The following FTO variants were observed in gnomAD, a reference collection of about 807,000 sequenced individuals.
FTO encodes the protein FTO alpha-ketoglutarate dependent dioxygenase.
A neutral mutation model predicts 63.9 loss-of-function variants in FTO; 47 were observed. The observed-to-expected ratio is 0.74, with a 90% CI of 0.58 to 0.94. FTO has a LOEUF of 0.94. Ranked by LOEUF, FTO falls within the 40% of genes least tolerant of loss-of-function variation. The pLI is 0.00. For missense variants in FTO, 562 were observed against 618.1 expected, an observed-to-expected ratio of 0.91 and a Z score of 0.96; for synonymous variants, 207 against 224.4, an observed-to-expected ratio of 0.92 and a Z score of 0.69.
chr16:54,114,384 C>T lies in FTO; in HGVS notation c.*2469C>T, dbSNP rs1236337857. 2 of 152,114 alleles carry T rather than the reference C, an allele frequency of 1.3e-5. No homozygotes were observed. The highest frequency in any genetic ancestry group is 2.1e-4 in the South Asian group (1 of 4,822). 9.4% of individuals were successfully genotyped at this position (152,114 alleles called of 1,614,324 possible). On this transcript the variant is annotated 3_prime_UTR_variant, in exon 9 of 9. Transcript: ENST00000471389. ...ATGTGTGTGACTATTGAACTCTATT[C>T]GTAGACTGCTTGTACTAATGTCATT...
chr16:53,822,089 G>A (rs1399230106), intron 2 of FTO, among the ~76,000 whole-genome samples: 1 of 152,130 alleles, frequency 6.6e-6, no homozygotes, highest in East Asian at 1.9e-4. Context: ...ACCAGGAAGT[G>A]TAATTTTACA....
chr16:53,738,282 A>G (rs1270693823), intron 1 of FTO, among the ~76,000 whole-genome samples: 11 of 152,118 alleles, frequency 7.2e-5, no homozygotes, highest in African/African-American at 2.4e-5. Context: ...TCAGCTTCCC[A>G]AAGTGTTGGG....
chr16:53,971,961 T>C (rs2083331276), intron 8 of FTO, among the ~76,000 whole-genome samples: 1 of 152,200 alleles, frequency 6.6e-6, no homozygotes, highest in Non-Finnish European at 1.5e-5. Context: ...TTTTATTCAT[T>C]GCCTCCCCCC....
intron 8 of FTO, among the ~76,000 whole-genome samples, chr16:53,984,252 T>C (rs1231459928): frequency 6.6e-6 from 1 of 151,976 alleles, no homozygotes; most frequent in Non-Finnish European, 1.5e-5. Flanking sequence ...CTCACCTTGC[T>C]TTTCTTACTG....
chr16:53,953,140 T>G (rs191175637), intron 8 of FTO, among the ~76,000 whole-genome samples: 47 of 152,348 alleles, frequency 3.1e-4, no homozygotes, highest in African/African-American at 1.1e-3. Context: ...GTTGAAAGAA[T>G]GTATACTTTT....
rs939373264 is a variant in FTO, at chr16:53,896,219, T to C, written c.1239+7268T>C. On this transcript the variant is annotated intron_variant, in intron 7 of 8. Coordinates refer to ENST00000471389, the MANE Select transcript of FTO (RefSeq NM_001080432.3). ...ACTATCATAGCATTTCAGATATGAA[T>C]TAAGAAACCCTGGTGCAAGATTGGA... Among the ~76,000 whole-genome samples, 6 of 152,238 alleles carry C rather than the reference T, an allele frequency of 3.9e-5. No homozygotes were observed. In the East Asian group the frequency reaches 5.8e-4, roughly 15 times the overall value.
intron 2 of FTO, among the ~76,000 whole-genome samples, chr16:53,815,198 G>C (rs959047068): frequency 6.6e-6 from 1 of 152,112 alleles, no homozygotes; most frequent in African/African-American, 2.4e-5. Flanking sequence ...AGAAGGCTTG[G>C]AGCAAAGCGT....
chr16:53,764,495 A>C (rs1209012139), intron 1 of FTO, among the ~76,000 whole-genome samples: 1 of 151,760 alleles, frequency 6.6e-6, no homozygotes, highest in Admixed American at 6.6e-5. Flanking sequence ...AAAAAAAGAA[A>C]AGAGGGGCTG....
intron 2 of FTO, among the ~76,000 whole-genome samples, chr16:53,815,473 G>A (rs978258793): frequency 6.6e-6 from 1 of 151,806 alleles, no homozygotes; most frequent in African/African-American, 2.4e-5. Flanking sequence ...TTCTGCCTCC[G>A]CAGTTTTAGC....
chr16:53,928,569 A>T (rs2082202588), intron 7 of FTO, among the ~76,000 whole-genome samples: 1 of 152,184 alleles, frequency 6.6e-6, no homozygotes, highest in Admixed American at 6.5e-5. Flanking sequence ...TAAATTTTAG[A>T]GTTTGAATGT....
chr16:54,064,796 T>C (rs1485833323), intron 8 of FTO, among the ~76,000 whole-genome samples: 2 of 152,068 alleles, frequency 1.3e-5, no homozygotes, highest in African/African-American at 4.8e-5. Context: ...AAAAAGAGGG[T>C]GAGCCCCTTG....
chr16:53,989,315 A>G (rs992686866), intron 8 of FTO, among the ~76,000 whole-genome samples: 10 of 152,220 alleles, frequency 6.6e-5, no homozygotes, highest in African/African-American at 2.4e-4. Context: ...GAGATGGGGA[A>G]ACCTTCAACC....
Position 53,841,365 on chromosome 16 carries a change from C to A in FTO, c.752-2790C>A, listed in dbSNP as rs1022917015. 1.0e-3 allele frequency among the ~76,000 whole-genome samples: 152 copies of A among 149,030 alleles called. 1 individual carries two copies. The highest frequency in any genetic ancestry group is 3.4e-3 in the African/African-American group (136 of 40,334). ...TTTTATTGTTATTCTGTTAAAAAAACCTAATTAAAAGATGTTCTTAATTAA... is the reference window on the plus strand; with the variant it reads ...TTTTATTGTTATTCTGTTAAAAAAAACTAATTAAAAGATGTTCTTAATTAA... On this transcript the variant is annotated intron_variant, in intron 3 of 8. Transcript: ENST00000471389.
At chr16:53,741,821 TG>T (rs913537481) in intron 1 of FTO, among the ~76,000 whole-genome samples, 1 of 152,196 alleles carries the variant, frequency 6.6e-6, no homozygotes, top group Non-Finnish European at 1.5e-5. Flanking sequence ...CTTAGCTAGT[TG>T]TCTCTGGCTC....
intron 3 of FTO, among the ~76,000 whole-genome samples, chr16:53,826,811 T>C (rs2079019929): frequency 6.6e-6 from 1 of 152,242 alleles, no homozygotes; most frequent in Admixed American, 6.5e-5. Flanking sequence ...TACAGCCGAC[T>C]GTCTTCTCTA....
Position 54,117,574 on chromosome 16 carries a change from A to G in FTO, c.*5659A>G, listed in dbSNP as rs1440876942. On this transcript the variant is annotated 3_prime_UTR_variant, in exon 9 of 9. Coordinates refer to ENST00000471389, the MANE Select transcript of FTO (RefSeq NM_001080432.3). ...CCAAAATATTAAAGGGACTAAAGAT[A>G]GCTGTGGCTTGTTCAAGAAGAATAT... 1 of 152,228 alleles carries G rather than the reference A, an allele frequency of 6.6e-6. No individual in the cohort carries two copies. Among genetic ancestry groups the G allele is most frequent in the African/African-American group, 2.4e-5 (1 of 41,450 alleles). The allele number at this position is 152,228 out of a possible 1,614,324, so 9.4% of individuals were successfully genotyped here. A position where few individuals can be genotyped will look rare whatever the true frequency, so the allele number is the denominator to read the frequency against.
intron 8 of FTO, among the ~76,000 whole-genome samples, chr16:54,024,517 C>T (rs775997269): frequency 2.0e-5 from 3 of 152,112 alleles, no homozygotes; most frequent in African/African-American, 4.8e-5. Context: ...TGTGAGTCAC[C>T]GCGCCCGGCC....
At chr16:53,833,259 CTTTT>C (rs2079192912) in intron 3 of FTO, among the ~76,000 whole-genome samples, 2 of 152,194 alleles carry the variant, frequency 1.3e-5, no homozygotes, top group South Asian at 2.1e-4. Flanking sequence ...AATTAATCCT[CTTTT>C]TGTTTCCGGT....
intron 2 of FTO, 58 bp from the exon 3 acceptor site, chr16:53,825,806 G>A (rs1389261522): frequency 1.3e-6 from 2 of 1,590,266 alleles, no homozygotes; most frequent in African/African-American, 1.3e-5. Context: ...CACACCTTTG[G>A]AAATAATACA....
Sources: gnomAD v4.1 joint callset for allele counts (sites outside exome capture counted in the v4.1 genomes callset) on GRCh38, gnomAD v4.1.1 for gene constraint, MANE v1.5 for transcripts, NCBI Gene and HGNC (gene_info 2026-07-23, HGNC 2026-07-21) for gene names.